The following MACROD2 variants were observed in gnomAD, a reference collection of about 807,000 sequenced individuals.
The protein encoded by MACROD2 is mono-ADP ribosylhydrolase 2.
MACROD2 carries 36 observed loss-of-function variants against 70.4 expected under a neutral mutation model. The ratio of observed to expected loss-of-function variants is 0.51; its 90% CI spans 0.39 to 0.68. The LOEUF (loss-of-function observed/expected upper bound fraction) is 0.68. Among genes scored for constraint, MACROD2 ranks in the 30% least tolerant of loss-of-function variants. The probability of loss-of-function intolerance (pLI) is 0.00; values close to 1 mark genes in which losing one functional copy is unlikely to be tolerated. For synonymous variants in MACROD2, 172 were observed against 178.8 expected, an observed-to-expected ratio of 0.96 and a Z score of 0.30; for missense variants, 496 against 538.4, an observed-to-expected ratio of 0.92 and a Z score of 0.78.
chr20:14,988,431 C>G (rs191519475), intron 5 of MACROD2, among the ~76,000 whole-genome samples: 1 of 149,254 alleles, frequency 6.7e-6, no homozygotes, highest in Admixed American at 6.7e-5. Flanking sequence ...TTATGGGGAA[C>G]AGTAGCAACA....
At position 15,041,841 on chromosome 20, in the gene MACROD2, G is replaced by A. The variant is rs371419211; in HGVS notation, c.419-188099G>A. Among the ~76,000 whole-genome samples, 18 of 152,102 alleles carry A rather than the reference G, an allele frequency of 1.2e-4. No homozygotes were observed. The South Asian group carries it at 2.3e-3, about 19-fold the overall frequency. On this transcript the variant is annotated intron_variant, in intron 5 of 17. Coordinates refer to ENST00000684519, the MANE Select transcript of MACROD2 (RefSeq NM_001351661.2). The stretch of plus-strand genomic sequence containing the variant: ...CATTGTTTCTTGGAGTTTTAATATC[G>A]AAATGCTTCATTATATTGTTCAATA...
chr20:14,557,422 A>G (rs1979110327), intron 4 of MACROD2, among the ~76,000 whole-genome samples: 1 of 151,996 alleles, frequency 6.6e-6, no homozygotes, highest in Admixed American at 6.6e-5. Context: ...CACACCACAA[A>G]GAAAGTAAAA....
At chr20:15,250,962 C>T (rs1165234909) in intron 6 of MACROD2, among the ~76,000 whole-genome samples, 1 of 152,096 alleles carries the variant, frequency 6.6e-6, no homozygotes, top group Non-Finnish European at 1.5e-5. Context: ...TCTATGAAAG[C>T]TTCATGTTTG....
chr20:14,167,966 A>G (rs2081186369), intron 3 of MACROD2, among the ~76,000 whole-genome samples: 1 of 152,166 alleles, frequency 6.6e-6, no homozygotes, highest in African/African-American at 2.4e-5. Context: ...CAGTCAAAAG[A>G]AATATCCAAT....
At chr20:15,465,733 C>T (rs956348573) in intron 7 of MACROD2, among the ~76,000 whole-genome samples, 1 of 152,210 alleles carries the variant, frequency 6.6e-6, no homozygotes, top group Admixed American at 6.5e-5. Flanking sequence ...ACGGTCATTT[C>T]ATCAACATCC....
rs147380751 is a variant in MACROD2, at chr20:15,324,609, G to A, written c.540+94548G>A. Among the ~76,000 whole-genome samples the A allele has an allele frequency of 9.9e-5, 15 of 152,232 alleles. No homozygotes were observed. In the South Asian group the frequency reaches 1.9e-3, roughly 19 times the overall value. ...AGCAAATGCTTGAAATTGAAGTAAC[G>A]TTCTCCTTAGCCTCTAACCTGTGTC... On this transcript the variant is annotated intron_variant, in intron 6 of 17. Transcript: ENST00000684519.
chr20:14,715,732 G>A (rs538635396), intron 5 of MACROD2, among the ~76,000 whole-genome samples: 6 of 152,252 alleles, frequency 3.9e-5, no homozygotes, highest in African/African-American at 9.6e-5. Flanking sequence ...AGATTTTAAC[G>A]TGAGGCTTAG....
At chr20:15,101,634 G>C (rs967683801) in intron 5 of MACROD2, among the ~76,000 whole-genome samples, 2 of 149,738 alleles carry the variant, frequency 1.3e-5, no homozygotes, top group South Asian at 4.3e-4. Context: ...CATATACACA[G>C]CATCAGCAGG....
chr20:14,361,303 C>A (rs1434054558), intron 3 of MACROD2, among the ~76,000 whole-genome samples: 3 of 152,124 alleles, frequency 2.0e-5, no homozygotes, highest in Non-Finnish European at 4.4e-5. Context: ...CTCACTACCA[C>A]CCTCTATATT....
At chr20:14,156,253 T>C (rs1197861339) in intron 3 of MACROD2, among the ~76,000 whole-genome samples, 2 of 152,236 alleles carry the variant, frequency 1.3e-5, no homozygotes, top group African/African-American at 4.8e-5. Context: ...ATAACCTTTG[T>C]TATAGCTCTT....
intron 5 of MACROD2, among the ~76,000 whole-genome samples, chr20:15,182,684 C>T (rs1257346721): frequency 2.0e-5 from 3 of 152,080 alleles, no homozygotes; most frequent in East Asian, 1.9e-4. Context: ...CCTGATTTGC[C>T]GTGGAGAAAA....
At chr20:14,282,534 C>T (rs1246518255) in intron 3 of MACROD2, among the ~76,000 whole-genome samples, 1 of 152,188 alleles carries the variant, frequency 6.6e-6, no homozygotes, top group African/African-American at 2.4e-5. Context: ...AAAGTTGAAG[C>T]TAAGCCATCA....
At chr20:14,174,677 C>A (rs1192061045) in intron 3 of MACROD2, among the ~76,000 whole-genome samples, 2 of 152,176 alleles carry the variant, frequency 1.3e-5, no homozygotes, top group African/African-American at 4.8e-5. Context: ...GATTTGCCCC[C>A]TTCCCAAGGT....
chr20:15,145,365 T>C (rs565877007), intron 5 of MACROD2, among the ~76,000 whole-genome samples: 6 of 151,848 alleles, frequency 4.0e-5, no homozygotes, highest in African/African-American at 1.5e-4. Flanking sequence ...TGAATTACTC[T>C]ATTTTTTTTT....
intron 7 of MACROD2, among the ~76,000 whole-genome samples, chr20:15,482,836 A>G (rs2047116185): frequency 6.6e-6 from 1 of 152,114 alleles, no homozygotes; most frequent in Non-Finnish European, 1.5e-5. Context: ...GAGCATCTTT[A>G]CATATGCCTA....
At chr20:15,642,806 T>G (rs1052508065) in intron 8 of MACROD2, among the ~76,000 whole-genome samples, 1 of 152,170 alleles carries the variant, frequency 6.6e-6, no homozygotes, top group Non-Finnish European at 1.5e-5. Context: ...CACTCTGCTC[T>G]GCCTTCACGT....
chr20:15,200,776 G>A (rs1234277341), intron 5 of MACROD2, among the ~76,000 whole-genome samples: 1 of 152,192 alleles, frequency 6.6e-6, no homozygotes, highest in African/African-American at 2.4e-5. Context: ...AAACTTTAAT[G>A]TTTATACAGA....
intron 13 of MACROD2, among the ~76,000 whole-genome samples, chr20:15,967,923 T>G (rs954576054): frequency 2.0e-5 from 3 of 152,154 alleles, no homozygotes; most frequent in Non-Finnish European, 4.4e-5. Flanking sequence ...GATGAATGTG[T>G]TATAACAATG....
intron 3 of MACROD2, among the ~76,000 whole-genome samples, chr20:14,275,561 A>G (rs1378222802): frequency 4.0e-5 from 6 of 151,686 alleles, no homozygotes; most frequent in Non-Finnish European, 8.8e-5. Context: ...CATTCAGGAC[A>G]TAGGCATGGG....
Sources: gnomAD v4.1 joint callset for allele counts (sites outside exome capture counted in the v4.1 genomes callset) on GRCh38, gnomAD v4.1.1 for gene constraint, MANE v1.5 for transcripts, NCBI Gene and HGNC (gene_info 2026-07-23, HGNC 2026-07-21) for gene names.